The following THSD7B variants were observed in gnomAD, a reference collection of about 807,000 sequenced individuals.
THSD7B encodes the protein thrombospondin type-1 domain-containing protein 7B.
THSD7B carries 138 observed loss-of-function variants against 213.6 expected under a neutral mutation model. That is an observed-to-expected ratio of 0.65 (90% confidence interval 0.56 to 0.74). The LOEUF (loss-of-function observed/expected upper bound fraction) is 0.74, where lower values mean the gene tolerates loss of function less well. THSD7B is among the 30% of genes least tolerant of loss of function. THSD7B has a pLI of 0.00. For synonymous variants in THSD7B, 742 were observed against 687.0 expected, an observed-to-expected ratio of 1.08 and a Z score of -1.25; for missense variants, 1,931 against 1,991.5, an observed-to-expected ratio of 0.97 and a Z score of 0.58.
chr2:137,341,271 C>G (rs1684755752), intron 12 of THSD7B, among the ~76,000 whole-genome samples: 1 of 151,254 alleles, frequency 6.6e-6, no homozygotes, highest in Non-Finnish European at 1.5e-5. Flanking sequence ...ATTCATATCC[C>G]TTGCCCATTT....
Position 137,310,366 on chromosome 2 carries a change from G to A in THSD7B, c.2500+34340G>A, listed in dbSNP as rs531305241. Reference sequence around the variant, plus strand: ...TGATGGGGTTGTTTGTTTTTTTCTTGTAAATTTGTTTGAGTTCATTGTAGT... The same window carrying A: ...TGATGGGGTTGTTTGTTTTTTTCTTATAAATTTGTTTGAGTTCATTGTAGT... On this transcript the variant is annotated intron_variant, in intron 12 of 27. Coordinates refer to ENST00000409968, the MANE Select transcript of THSD7B (RefSeq NM_001316349.2). Among the ~76,000 whole-genome samples, 485 of 142,324 alleles carry A rather than the reference G, an allele frequency of 3.4e-3. 5 individuals are homozygous for A. Among genetic ancestry groups the A allele is most frequent in the African/African-American group, 0.012 (462 of 38,166 alleles). The allele number at this position is 142,324 out of a possible 152,430, so 93.4% of individuals were successfully genotyped here.
At chr2:137,118,335 G>A (rs918216076) in intron 5 of THSD7B, among the ~76,000 whole-genome samples, 4 of 152,074 alleles carry the variant, frequency 2.6e-5, no homozygotes, top group African/African-American at 9.7e-5. Context: ...CATGAATCAA[G>A]GAATGCACTT....
At chr2:137,565,951 C>T (rs564666011) in intron 16 of THSD7B, among the ~76,000 whole-genome samples, 2 of 152,008 alleles carry the variant, frequency 1.3e-5, no homozygotes, top group South Asian at 2.1e-4. Context: ...TGAGGTAGCC[C>T]TAGAAAACAT....
At chr2:137,465,297 G>A (rs925377217) in intron 15 of THSD7B, among the ~76,000 whole-genome samples, 1 of 151,624 alleles carries the variant, frequency 6.6e-6, no homozygotes, top group African/African-American at 2.4e-5. Flanking sequence ...GACATTCCAG[G>A]ACAATTGAAT....
intron 4 of THSD7B, among the ~76,000 whole-genome samples, chr2:137,104,272 A>T (rs1429630803): frequency 5.3e-5 from 8 of 152,190 alleles, no homozygotes; most frequent in Admixed American, 1.3e-4. Flanking sequence ...AACCTGCTCC[A>T]GAATGACTAC....
chr2:137,052,920 T>C (rs1023655210), intron 2 of THSD7B, among the ~76,000 whole-genome samples: 1 of 152,210 alleles, frequency 6.6e-6, no homozygotes, highest in Non-Finnish European at 1.5e-5. Context: ...TTTCATTTAT[T>C]CCATGTGTGC....
chr2:137,322,292 C>A (rs1458057757), intron 12 of THSD7B, among the ~76,000 whole-genome samples: 1 of 152,164 alleles, frequency 6.6e-6, no homozygotes, highest in Non-Finnish European at 1.5e-5. Flanking sequence ...AGGTCTGCCA[C>A]CTTCTCTGTC....
At chr2:137,045,361 T>C (rs182153645) in intron 2 of THSD7B, among the ~76,000 whole-genome samples, 153 of 152,286 alleles carry the variant, frequency 1.0e-3, no homozygotes, top group Middle Eastern at 6.8e-3. Flanking sequence ...CATTCAATCT[T>C]GTAACCCAGA....
chr2:137,308,866 T>C (rs1349351113), intron 12 of THSD7B, among the ~76,000 whole-genome samples: 1 of 152,130 alleles, frequency 6.6e-6, no homozygotes, highest in Non-Finnish European at 1.5e-5. Context: ...CTTAAAGTCC[T>C]TATTTATTGG....
chr2:137,304,777 T>C (rs1683705257), intron 12 of THSD7B, among the ~76,000 whole-genome samples: 1 of 152,090 alleles, frequency 6.6e-6, no homozygotes, highest in Admixed American at 6.5e-5. Context: ...TTTTTGTTTG[T>C]TTATTTGTTT....
chr2:137,580,405 T>C (rs1392155984), intron 17 of THSD7B, among the ~76,000 whole-genome samples: 1 of 152,166 alleles, frequency 6.6e-6, no homozygotes, highest in Non-Finnish European at 1.5e-5. Flanking sequence ...TGCATCCAAC[T>C]GTTTTCTTAA....
At chr2:137,549,753 A>G (rs1474752296) in intron 15 of THSD7B, among the ~76,000 whole-genome samples, 1 of 152,044 alleles carries the variant, frequency 6.6e-6, no homozygotes, top group Non-Finnish European at 1.5e-5. Context: ...TGACTATTTT[A>G]GATACCTCAC....
chr2:137,524,579 A>G (rs960996423), intron 15 of THSD7B, among the ~76,000 whole-genome samples: 1 of 152,170 alleles, frequency 6.6e-6, no homozygotes, highest in Non-Finnish European at 1.5e-5. Flanking sequence ...CCGTGAATAA[A>G]TGTTGGAAAA....
chr2:137,288,975 T>C (rs1683252295), intron 12 of THSD7B, among the ~76,000 whole-genome samples: 1 of 152,096 alleles, frequency 6.6e-6, no homozygotes, highest in Non-Finnish European at 1.5e-5. Flanking sequence ...TTCCACTTGC[T>C]ACTTGAGTGA....
At chr2:137,529,066 T>G (rs1452975113) in intron 15 of THSD7B, among the ~76,000 whole-genome samples, 1 of 152,142 alleles carries the variant, frequency 6.6e-6, no homozygotes, top group Non-Finnish European at 1.5e-5. Flanking sequence ...TTATGGCTAG[T>G]GATAGGGAGA....
At chr2:137,112,854 G>A (rs1688373428) in intron 4 of THSD7B, among the ~76,000 whole-genome samples, 1 of 151,938 alleles carries the variant, frequency 6.6e-6, no homozygotes, top group African/African-American at 2.4e-5. Flanking sequence ...AAAGGGAATG[G>A]ACACTTATTG....
At chr2:137,102,764 G>A (rs1056976280) in intron 4 of THSD7B, among the ~76,000 whole-genome samples, 11 of 152,142 alleles carry the variant, frequency 7.2e-5, no homozygotes, top group African/African-American at 2.2e-4. Context: ...TAGCTGAATC[G>A]ATCAAGGGGA....
intron 12 of THSD7B, among the ~76,000 whole-genome samples, chr2:137,293,541 T>C (rs77036091): frequency 6.6e-6 from 1 of 152,056 alleles, no homozygotes; most frequent in African/African-American, 2.4e-5. Context: ...TATTTCTGCC[T>C]TTTTTGCTAA....
intron 17 of THSD7B, among the ~76,000 whole-genome samples, chr2:137,577,616 A>G (rs779125151): frequency 2.0e-5 from 3 of 152,064 alleles, no homozygotes; most frequent in Admixed American, 6.6e-5. Flanking sequence ...TTATCTACAT[A>G]TGACAAACCT....
Sources: allele counts gnomAD v4.1 joint callset (sites outside exome capture counted in the v4.1 genomes callset), GRCh38; gene constraint gnomAD v4.1.1; transcripts MANE v1.5; gene names NCBI Gene and HGNC (gene_info 2026-07-23, HGNC 2026-07-21).